Variants in MRS2 observed in about 807,000 individuals in gnomAD.
The protein encoded by MRS2 is magnesium transporter MRS2 homolog, mitochondrial.
MRS2 carries 40 observed loss-of-function variants against 52.6 expected under a neutral mutation model. That is an observed-to-expected ratio of 0.76 (90% CI 0.59 to 0.99). The LOEUF (loss-of-function observed/expected upper bound fraction) is 0.99, where lower values mean the gene tolerates loss of function less well. Among genes scored for constraint, MRS2 ranks in the 50% least tolerant of loss-of-function variants. MRS2 has a pLI of 0.00. For missense variants in MRS2, 472 were observed against 532.7 expected (o/e 0.89, Z 1.12); for synonymous variants, 193 against 195.9 (o/e 0.98, Z 0.13).
Position 24,413,905 on chromosome 6 carries a change from G to A in MRS2, c.589-1128G>A, listed in dbSNP as rs554221465. Among the ~76,000 whole-genome samples, 396 of 152,270 alleles carry A rather than the reference G, an allele frequency of 2.6e-3. 2 individuals are homozygous for A. Among genetic ancestry groups the A allele is most frequent in the Middle Eastern group, 0.01 (3 of 294 alleles). On this transcript the variant is annotated intron_variant, in intron 5 of 10. Coordinates refer to ENST00000378386, the MANE Select transcript of MRS2 (RefSeq NM_020662.4). ...ATAGCAGGATTAGTGCATACCTGCC[G>A]AATATCAAATATCAAACCATACTTG...
intron 2 of MRS2, among the ~76,000 whole-genome samples, chr6:24,406,121 A>AAG (rs71002492): frequency 4.0e-5 from 6 of 148,454 alleles, no homozygotes; most frequent in African/African-American, 1.5e-4. Flanking sequence ...AAAAAAAAAA[A>AAG]GGTGTGCCTA....
chr6:24,404,333 A>C (rs1211678006), intron 1 of MRS2, among the ~76,000 whole-genome samples: 2 of 152,240 alleles, frequency 1.3e-5, no homozygotes, highest in Non-Finnish European at 2.9e-5. Context: ...ATTTGTAATC[A>C]GCAAATGCCT....
Position 24,416,442 on chromosome 6 carries a change from T to C in MRS2, c.765T>C (p.Ile255=). The change falls in exon 7 of 11, where the codon ATT becomes ATC. Residue 255 remains isoleucine, a synonymous_variant. Transcript: ENST00000378386. The part of the protein sequence containing the change: ...ETDIKIFKES[I]LEILDEEELL... ...ATATTAAAATTTTCAAAGAGTCAAT[T>C]TTGGAGATCTTGGATGAGGAAGAGT... 6.2e-7 allele frequency: 1 copy of C among 1,603,566 alleles called. No individual in the cohort carries two copies. Among genetic ancestry groups the C allele is most frequent in the African/African-American group, 1.3e-5 (1 of 74,744 alleles).
At chr6:24,404,803 G>A (rs1013111608) in intron 1 of MRS2, among the ~76,000 whole-genome samples, 16 of 152,170 alleles carry the variant, frequency 1.1e-4, no homozygotes, top group Admixed American at 5.9e-4. Context: ...TGCATGAAGA[G>A]TCTTTTAAAT....
At chr6:24,420,992 G>C (rs573394615) in intron 9 of MRS2, among the ~76,000 whole-genome samples, 4 of 152,124 alleles carry the variant, frequency 2.6e-5, no homozygotes, top group Non-Finnish European at 5.9e-5. Context: ...AAGTTCAGAA[G>C]CAAGCAGAAT....
intron 9 of MRS2, among the ~76,000 whole-genome samples, chr6:24,420,181 T>G (rs187445496): frequency 2.6e-4 from 39 of 152,314 alleles, no homozygotes; most frequent in African/African-American, 8.7e-4. Context: ...TTCCCAGACA[T>G]GCTGCTTCCA....
rs931589063 is a variant in MRS2 at position 24,403,357 on chromosome 6, C to G, written c.190+121C>G. 7.0e-6 allele frequency: 7 copies of G among 999,148 alleles called. No homozygotes were observed. In the African/African-American group the frequency reaches 1.0e-4, roughly 14 times the overall value. 61.9% of individuals were successfully genotyped at this position (999,148 alleles called of 1,614,324 possible). A position where few individuals can be genotyped will look rare whatever the true frequency, so the allele number is the denominator to read the frequency against. ...GCGCCCTCCGCAGGCCTCGGCCTCC[C>G]GCGTGTCCTGTGAGCTTGCACAGGC... On this transcript the variant is annotated intron_variant, in intron 1 of 10. Transcript: ENST00000378386.
At chr6:24,416,323 C>A (rs976641593) in intron 6 of MRS2, 74 bp from the exon 7 acceptor site, 9 of 628,790 alleles carry the variant, frequency 1.4e-5, no homozygotes, top group Non-Finnish European at 2.3e-5. Context: ...TGATAAGATA[C>A]TCTAAAAACA....
intron 7 of MRS2, 125 bp downstream of exon 7, chr6:24,416,638 ATCCCCAGTT>A: frequency 1.5e-6 from 1 of 686,330 alleles, no homozygotes; most frequent in Non-Finnish European, 2.6e-6. Flanking sequence ...GAGATTTTTC[ATCCCCAGTT>A]TCCCTTTTTT....
In MRS2 at chr6:24,403,010, T is replaced by A. The variant is rs372514926; in HGVS notation, c.-37T>A. 75 of 1,541,788 alleles carry A rather than the reference T, an allele frequency of 4.9e-5. 2 individuals carry two copies. The highest frequency in any genetic ancestry group is 3.1e-5 in the Non-Finnish European group (35 of 1,146,230). On this transcript the variant is annotated 5_prime_UTR_variant, in exon 1 of 11. Transcript: ENST00000378386. ...GCAGCCAGCGTCCGGCATGAAGGTC[T>A]GGGGTCTGGCTGCTGCCTGCTTCTT...
chr6:24,422,349 C>T (rs1386148027), intron 9 of MRS2, among the ~76,000 whole-genome samples: 2 of 152,184 alleles, frequency 1.3e-5, no homozygotes, highest in South Asian at 2.1e-4. Context: ...TGTACATTAA[C>T]TAAAAACAGT....
At chr6:24,415,244 TTTTTA>T (rs1761808250) in intron 6 of MRS2, 81 bp downstream of exon 6, 3 of 1,436,682 alleles carry the variant, frequency 2.1e-6, no homozygotes, top group Admixed American at 2.0e-5. Flanking sequence ...TTCATAACTT[TTTTTA>T]AAGTATGAAA....
intron 9 of MRS2, among the ~76,000 whole-genome samples, chr6:24,420,565 G>A (rs960937225): frequency 1.1e-4 from 17 of 152,180 alleles, no homozygotes; most frequent in African/African-American, 3.4e-4. Context: ...TTATATTGTA[G>A]TGGAGGAGAG....
chr6:24,416,529 T>A lies in MRS2; in HGVS notation c.836+16T>A. The A allele has an allele frequency of 8.2e-7, 1 of 1,218,052 alleles. No homozygotes were observed. The highest frequency in any genetic ancestry group is 1.2e-6 in the Non-Finnish European group (1 of 833,890). The allele number at this position is 1,218,052 out of a possible 1,614,324, so 75.5% of individuals were successfully genotyped here. A position where few individuals can be genotyped will look rare whatever the true frequency, so the allele number is the denominator to read the frequency against. On this transcript the variant is annotated intron_variant, in intron 7 of 10. Coordinates refer to ENST00000378386, the MANE Select transcript of MRS2 (RefSeq NM_020662.4). ...CACAAGTCTTGTAAGTATATAATTA[T>A]ACTTTGTTATTTATTTCCTTAGAGT...
In MRS2 at chr6:24,416,432, AAG is replaced by A. The variant is rs1561811935; in HGVS notation, c.758_759del (p.Glu253ValfsTer8). 6.3e-7 allele frequency: 1 copy of A among 1,591,280 alleles called. No individual in the cohort carries two copies. Among genetic ancestry groups the A allele is most frequent in the East Asian group, 2.2e-5 (1 of 44,670 alleles). ...TTAGAAACAGATATTAAAATTTTCA[AAG>A]AGTCAATTTTGGAGATCTTGGATGA... On this transcript the variant is annotated frameshift_variant, in exon 7 of 11. Coordinates refer to ENST00000378386, the MANE Select transcript of MRS2 (RefSeq NM_020662.4). LOFTEE classifies it high-confidence loss of function.
chr6:24,410,681 A>C (rs1337156682), intron 4 of MRS2: 1 of 1,379,654 alleles, frequency 7.2e-7, no homozygotes, highest in Non-Finnish European at 9.8e-7. Flanking sequence ...AATAAAAAAT[A>C]CTTTATCAAA....
chr6:24,423,568 C>T lies in MRS2; in HGVS notation c.1222-16C>T. The T allele has an allele frequency of 1.4e-6, 2 of 1,433,422 alleles. No homozygotes were observed. The highest frequency in any genetic ancestry group is 1.9e-6 in the Non-Finnish European group (2 of 1,027,088). 88.8% of individuals were successfully genotyped at this position (1,433,422 alleles called of 1,614,324 possible). A position where few individuals can be genotyped will look rare whatever the true frequency, so the allele number is the denominator to read the frequency against. ...TTTAAAAAAGATACTAAAATTAATA[C>T]TTCTGCTTTATTTAGATGGCTTCTT... On this transcript the variant is annotated splice_polypyrimidine_tract_variant and intron_variant, in intron 10 of 10. Coordinates refer to ENST00000378386, the MANE Select transcript of MRS2 (RefSeq NM_020662.4).
At chr6:24,404,451 A>G (rs1024076565) in intron 1 of MRS2, among the ~76,000 whole-genome samples, 2 of 152,206 alleles carry the variant, frequency 1.3e-5, no homozygotes, top group Admixed American at 1.3e-4. Flanking sequence ...TATGTAGTAG[A>G]AAAAAGATCA....
intron 4 of MRS2, chr6:24,410,779 C>A: frequency 6.6e-7 from 1 of 1,525,510 alleles, no homozygotes; most frequent in Non-Finnish European, 8.8e-7. Context: ...AACAGTGTCT[C>A]TTTCATGGAG....
Sources: gnomAD v4.1 joint callset for allele counts (sites outside exome capture counted in the v4.1 genomes callset) on GRCh38, gnomAD v4.1.1 for gene constraint, MANE v1.5 for transcripts, NCBI Gene and HGNC (gene_info 2026-07-23, HGNC 2026-07-21) for gene names.